Variants in KCNJ6 observed in about 807,000 individuals in gnomAD.
The protein encoded by KCNJ6 is potassium inwardly rectifying channel subfamily J member 6.
KCNJ6 carries 9 observed loss-of-function variants against 34.2 expected under a neutral mutation model. The ratio of observed to expected loss-of-function variants is 0.26; its 90% CI spans 0.16 to 0.46. KCNJ6 has a LOEUF of 0.46. Ranked by LOEUF, KCNJ6 falls within the 20% of genes least tolerant of loss-of-function variation. KCNJ6 has a pLI of 1.00. For missense variants in KCNJ6, 236 were observed against 531.3 expected (o/e 0.44, Z 5.46); for synonymous variants, 196 against 207.1 (o/e 0.95, Z 0.46).
intron 1 of KCNJ6, among the ~76,000 whole-genome samples, chr21:37,906,352 A>T (rs865795276): frequency 1.3e-5 from 2 of 152,180 alleles, no homozygotes; most frequent in African/African-American, 2.4e-5. Flanking sequence ...TGGCTCTTGC[A>T]TGAGCCTGGA....
chr21:37,914,008 GGTGT>G (rs371432862), intron 1 of KCNJ6, among the ~76,000 whole-genome samples: 2,972 of 135,536 alleles, frequency 0.022, 44 homozygotes, highest in African/African-American at 0.042. Flanking sequence ...GGCGGATCGG[GGTGT>G]GTGTGTGTGT....
intron 1 of KCNJ6, among the ~76,000 whole-genome samples, chr21:37,874,954 C>T (rs769261664): frequency 6.6e-6 from 1 of 152,180 alleles, no homozygotes; most frequent in Non-Finnish European, 1.5e-5. Context: ...CAGCAAGCCA[C>T]GGTAGTCCTT....
At position 37,613,570 on chromosome 21, in the gene KCNJ6, G is replaced by C. The variant is rs947882504; in HGVS notation, c.*11589C>G. On this transcript the variant is annotated 3_prime_UTR_variant, in exon 4 of 4. Coordinates refer to ENST00000609713, the MANE Select transcript of KCNJ6 (RefSeq NM_002240.5). ...TAAACAGTGGTACATCCAGAAAATG[G>C]ATGAGTGTTTGGTGCTAAAAAAGTG... 2.6e-5 allele frequency: 4 copies of C among 152,168 alleles called. No individual in the cohort carries two copies. Among genetic ancestry groups the C allele is most frequent in the African/African-American group, 9.7e-5 (4 of 41,442 alleles). The allele number at this position is 152,168 out of a possible 1,614,324, so 9.4% of individuals were successfully genotyped here.
chr21:37,788,806 TAGA>T (rs1329897828), intron 2 of KCNJ6, among the ~76,000 whole-genome samples: 1 of 152,184 alleles, frequency 6.6e-6, no homozygotes, highest in Non-Finnish European at 1.5e-5. Flanking sequence ...CTGCCAAGAC[TAGA>T]AGAAGAATCG....
At chr21:37,634,941 A>G (rs1442001500) in intron 3 of KCNJ6, among the ~76,000 whole-genome samples, 2 of 152,060 alleles carry the variant, frequency 1.3e-5, no homozygotes, top group African/African-American at 4.8e-5. Flanking sequence ...TATTTTTTGT[A>G]GAGATGGGTT....
chr21:37,821,844 T>A lies in KCNJ6; in HGVS notation c.25+18814A>T, dbSNP rs1428555599. ...GAAAGAATGGCAGACACACAGCAAA[T>A]CCTAGTAAATGCTGAATGACAGTTT... On this transcript the variant is annotated intron_variant, in intron 2 of 3. Transcript: ENST00000609713. 2.6e-5 allele frequency among the ~76,000 whole-genome samples: 4 copies of A among 152,298 alleles called. No individual in the cohort carries two copies. The East Asian group carries it at 7.7e-4, about 29-fold the overall frequency.
At chr21:37,778,107 G>A (rs548760497) in intron 2 of KCNJ6, among the ~76,000 whole-genome samples, 2 of 152,244 alleles carry the variant, frequency 1.3e-5, no homozygotes, top group African/African-American at 4.8e-5. Flanking sequence ...TTTTTTCCAT[G>A]CTAGAAAAAG....
chr21:37,785,925 A>C (rs911504276), intron 2 of KCNJ6, among the ~76,000 whole-genome samples: 1 of 152,218 alleles, frequency 6.6e-6, no homozygotes, highest in Non-Finnish European at 1.5e-5. Flanking sequence ...GGAAGATGCT[A>C]TCTCTGAGTA....
At chr21:37,822,269 G>A (rs2123554925) in intron 2 of KCNJ6, among the ~76,000 whole-genome samples, 1 of 152,256 alleles carries the variant, frequency 6.6e-6, no homozygotes, top group East Asian at 1.9e-4. Context: ...TGGTTTGATA[G>A]GCACCTGTTG....
intron 2 of KCNJ6, among the ~76,000 whole-genome samples, chr21:37,793,056 A>T (rs561880545): frequency 1.3e-5 from 2 of 152,336 alleles, no homozygotes; most frequent in African/African-American, 4.8e-5. Flanking sequence ...AGACCTCATC[A>T]GAACCTGTAT....
chr21:37,735,719 A>T (rs1601445254), intron 2 of KCNJ6, among the ~76,000 whole-genome samples: 1 of 152,220 alleles, frequency 6.6e-6, no homozygotes, highest in East Asian at 1.9e-4. Context: ...GGCAGAGGAC[A>T]CAGGGACACC....
At position 37,679,133 on chromosome 21, in the gene KCNJ6, C is replaced by T. The variant is rs145565399; in HGVS notation, c.946+35078G>A. ...GCAAGGAACTGAGGCCTCCTGTCAACAGCCATATTAGTGTATCATCTTGGA... is the reference window on the plus strand; with the variant it reads ...GCAAGGAACTGAGGCCTCCTGTCAATAGCCATATTAGTGTATCATCTTGGA... On this transcript the variant is annotated intron_variant, in intron 3 of 3. Coordinates refer to ENST00000609713, the MANE Select transcript of KCNJ6 (RefSeq NM_002240.5). 6.2e-3 allele frequency among the ~76,000 whole-genome samples: 941 copies of T among 152,324 alleles called. 36 individuals are homozygous for T. The highest frequency in any genetic ancestry group is 0.056 in the Admixed American group (863 of 15,308).
intron 2 of KCNJ6, among the ~76,000 whole-genome samples, chr21:37,795,825 C>A (rs1375640159): frequency 6.6e-6 from 1 of 151,576 alleles, no homozygotes; most frequent in African/African-American, 2.4e-5. Flanking sequence ...AAAATAATCT[C>A]TTTAGGGCCT....
intron 2 of KCNJ6, among the ~76,000 whole-genome samples, chr21:37,760,587 T>A (rs1173166899): frequency 6.6e-6 from 1 of 152,090 alleles, no homozygotes; most frequent in Non-Finnish European, 1.5e-5. Flanking sequence ...GGGTGCAGAG[T>A]CCTGCCTGAC....
At chr21:37,711,498 G>A (rs1209252023) in intron 3 of KCNJ6, among the ~76,000 whole-genome samples, 2 of 152,160 alleles carry the variant, frequency 1.3e-5, no homozygotes, top group African/African-American at 4.8e-5. Context: ...CTATTATCAC[G>A]GCTCCTGATT....
At chr21:37,718,007 C>G (rs1408567599) in intron 2 of KCNJ6, among the ~76,000 whole-genome samples, 1 of 152,222 alleles carries the variant, frequency 6.6e-6, no homozygotes, top group African/African-American at 2.4e-5. Context: ...GCGATCAGTG[C>G]TCTGGAAAGT....
intron 2 of KCNJ6, among the ~76,000 whole-genome samples, chr21:37,732,322 A>G (rs1353304533): frequency 6.6e-6 from 1 of 152,182 alleles, no homozygotes; most frequent in Non-Finnish European, 1.5e-5. Context: ...CAGTCTTTCC[A>G]ATGGATTGTG....
rs184346085 is a variant in KCNJ6, at chr21:37,660,148, G to C, written c.947-34664C>G. Among the ~76,000 whole-genome samples, 9 of 152,328 alleles carry C rather than the reference G, an allele frequency of 5.9e-5. No individual in the cohort carries two copies. In the East Asian group the frequency reaches 1.7e-3, roughly 29 times the overall value. On this transcript the variant is annotated intron_variant, in intron 3 of 3. Coordinates refer to ENST00000609713, the MANE Select transcript of KCNJ6 (RefSeq NM_002240.5). Reference sequence around the variant, plus strand: ...GCAGCTTGGGTGAGACTCACGTGCAGAGCTCACTGTCCAGGCAGCTTTCCC... The same window carrying C: ...GCAGCTTGGGTGAGACTCACGTGCACAGCTCACTGTCCAGGCAGCTTTCCC...
intron 1 of KCNJ6, among the ~76,000 whole-genome samples, chr21:37,865,954 A>C (rs2055620486): frequency 8.3e-6 from 1 of 120,190 alleles, no homozygotes; most frequent in African/African-American, 3.2e-5. Flanking sequence ...TTAGACCACA[A>C]ACCAAATTTC....
Sources: gnomAD v4.1 joint callset for allele counts (sites outside exome capture counted in the v4.1 genomes callset) on GRCh38, gnomAD v4.1.1 for gene constraint, MANE v1.5 for transcripts, NCBI Gene and HGNC (gene_info 2026-07-23, HGNC 2026-07-21) for gene names.